Variants in IMMP2L observed in about 807,000 individuals in gnomAD.
IMMP2L encodes the protein inner mitochondrial membrane peptidase subunit 2.
A neutral mutation model predicts 19.3 loss-of-function variants in IMMP2L; 18 were observed. The ratio of observed to expected loss-of-function variants is 0.93; its 90% CI spans 0.64 to 1.38. The LOEUF (loss-of-function observed/expected upper bound fraction) is 1.38. Ranked by LOEUF, IMMP2L falls within the 40% of genes most tolerant of loss-of-function variation. The pLI is 0.00. For missense variants in IMMP2L, 233 were observed against 218.2 expected (o/e 1.07, Z -0.43); for synonymous variants, 76 against 73.0 (o/e 1.04, Z -0.21).
chr7:111,046,251 A>G (rs191498010), intron 3 of IMMP2L, among the ~76,000 whole-genome samples: 2 of 152,264 alleles, frequency 1.3e-5, no homozygotes, highest in Non-Finnish European at 2.9e-5. Context: ...TACCACAGTA[A>G]AAGAAAGAAG....
chr7:110,988,191 T>C (rs1822057103), intron 3 of IMMP2L, among the ~76,000 whole-genome samples: 3 of 152,208 alleles, frequency 2.0e-5, no homozygotes, highest in African/African-American at 7.2e-5. Context: ...AGTTCACTTA[T>C]AGCTCAAATA....
chr7:111,323,363 T>C (rs1276906704), intron 3 of IMMP2L, among the ~76,000 whole-genome samples: 1 of 151,988 alleles, frequency 6.6e-6, no homozygotes, highest in African/African-American at 2.4e-5. Flanking sequence ...AAGAAGTCAT[T>C]TATGCAGCCA....
Position 111,475,710 on chromosome 7 carries a change from C to G in IMMP2L, c.239+11528G>C, listed in dbSNP as rs540801683. 3.4e-4 allele frequency among the ~76,000 whole-genome samples: 52 copies of G among 152,156 alleles called. 1 individual carries two copies. The South Asian group carries it at 0.011, about 31-fold the overall frequency. On this transcript the variant is annotated intron_variant, in intron 3 of 5. Coordinates refer to ENST00000405709, the MANE Select transcript of IMMP2L (RefSeq NM_032549.4). ...AGGAACAAAGAAACAAAGATTTCTA[C>G]CACTATCTTATTTTGAGTAATTTTA...
chr7:110,983,138 ACATTGAAGAGTT>A (rs1316898313), intron 3 of IMMP2L, among the ~76,000 whole-genome samples: 5 of 151,638 alleles, frequency 3.3e-5, no homozygotes, highest in Non-Finnish European at 7.4e-5. Flanking sequence ...AAATATAAAT[ACATTGAAGAGTT>A]CTGTTATTAA....
intron 3 of IMMP2L, among the ~76,000 whole-genome samples, chr7:111,380,865 T>G (rs1831132101): frequency 6.6e-6 from 1 of 151,204 alleles, no homozygotes; most frequent in South Asian, 2.1e-4. Flanking sequence ...CAATTTAACC[T>G]CAGTATTCTC....
intron 3 of IMMP2L, among the ~76,000 whole-genome samples, chr7:111,075,157 C>A (rs1188010446): frequency 8.1e-6 from 1 of 123,884 alleles, no homozygotes; most frequent in Non-Finnish European, 1.6e-5. Context: ...GATGGAATCT[C>A]TCTCTGTCAC....
chr7:111,359,144 T>C (rs1315609796), intron 3 of IMMP2L, among the ~76,000 whole-genome samples: 2 of 152,162 alleles, frequency 1.3e-5, no homozygotes, highest in South Asian at 4.1e-4. Flanking sequence ...AGAGGCTGGC[T>C]GCTGTTGCCT....
At chr7:110,849,583 CA>C in intron 5 of IMMP2L, among the ~76,000 whole-genome samples, 1 of 152,020 alleles carries the variant, frequency 6.6e-6, no homozygotes, top group Non-Finnish European at 1.5e-5. Flanking sequence ...GTAATCAAAG[CA>C]AAATGTAAAT....
chr7:111,367,171 A>G (rs1026024621), intron 3 of IMMP2L, among the ~76,000 whole-genome samples: 1 of 151,726 alleles, frequency 6.6e-6, no homozygotes, highest in Non-Finnish European at 1.5e-5. Flanking sequence ...AACTACCTAC[A>G]TGCTACATAT....
chr7:111,484,044 A>C (rs1842414586), intron 3 of IMMP2L, among the ~76,000 whole-genome samples: 2 of 152,192 alleles, frequency 1.3e-5, no homozygotes, highest in South Asian at 4.1e-4. Flanking sequence ...ATTTTGTACA[A>C]AGCTTACAAG....
At chr7:111,404,043 A>C (rs1013301646) in intron 3 of IMMP2L, among the ~76,000 whole-genome samples, 1 of 152,268 alleles carries the variant, frequency 6.6e-6, no homozygotes, top group African/African-American at 2.4e-5. Context: ...TTTATCCTTT[A>C]TGAAGGCCTG....
chr7:111,466,814 T>C (rs534603920), intron 3 of IMMP2L, among the ~76,000 whole-genome samples: 30 of 152,230 alleles, frequency 2.0e-4, no homozygotes, highest in African/African-American at 7.0e-4. Flanking sequence ...CCCTAAAAAA[T>C]ACAGTGTAAC....
At chr7:111,076,557 G>A (rs553599958) in intron 3 of IMMP2L, among the ~76,000 whole-genome samples, 1 of 152,296 alleles carries the variant, frequency 6.6e-6, no homozygotes, top group African/African-American at 2.4e-5. Flanking sequence ...CATTCAGTCT[G>A]TAGCTCAGGA....
At chr7:110,902,209 G>GA (rs1041806391) in intron 4 of IMMP2L, among the ~76,000 whole-genome samples, 4 of 151,222 alleles carry the variant, frequency 2.6e-5, no homozygotes, top group Non-Finnish European at 4.4e-5. Flanking sequence ...GATAAGTATA[G>GA]AAAAAACACC....
intron 3 of IMMP2L, among the ~76,000 whole-genome samples, chr7:111,392,379 T>G (rs1832445050): frequency 6.6e-6 from 1 of 152,174 alleles, no homozygotes; most frequent in Admixed American, 6.5e-5. Flanking sequence ...AAGCATCTGA[T>G]GTGACTACTT....
chr7:111,356,464 T>C (rs1254646822), intron 3 of IMMP2L, among the ~76,000 whole-genome samples: 1 of 152,170 alleles, frequency 6.6e-6, no homozygotes, highest in African/African-American at 2.4e-5. Flanking sequence ...TACTACACTA[T>C]GTTATATCAG....
At chr7:110,730,813 C>G (rs1333171385) in intron 5 of IMMP2L, among the ~76,000 whole-genome samples, 1 of 152,154 alleles carries the variant, frequency 6.6e-6, no homozygotes, top group African/African-American at 2.4e-5. Context: ...GCGTGAGCCG[C>G]CGCGCCCGGC....
intron 3 of IMMP2L, among the ~76,000 whole-genome samples, chr7:111,151,182 C>T (rs1804030197): frequency 6.6e-6 from 1 of 152,190 alleles, no homozygotes; most frequent in African/African-American, 2.4e-5. Flanking sequence ...GTTCAATCAG[C>T]ATTTGTTGAA....
At chr7:111,073,404 T>C (rs1795127163) in intron 3 of IMMP2L, among the ~76,000 whole-genome samples, 1 of 152,160 alleles carries the variant, frequency 6.6e-6, no homozygotes, top group Non-Finnish European at 1.5e-5. Flanking sequence ...GCATATTTTT[T>C]ACAAGTTTAA....
Sources: gnomAD v4.1 joint callset for allele counts (sites outside exome capture counted in the v4.1 genomes callset) on GRCh38, gnomAD v4.1.1 for gene constraint, MANE v1.5 for transcripts, NCBI Gene and HGNC (gene_info 2026-07-23, HGNC 2026-07-21) for gene names.